NLN: variants seen among roughly 807,000 people sequenced by gnomAD.
NLN encodes neurolysin, mitochondrial.
Under a neutral mutation model 79.9 loss-of-function variants are expected in NLN, and 64 were observed. That is an observed-to-expected ratio of 0.80 (90% CI 0.65 to 0.99). NLN has a LOEUF of 0.99. Ranked by LOEUF, NLN falls within the 50% of genes least tolerant of loss-of-function variation. The pLI is 0.00. For synonymous variants in NLN, 267 were observed against 296.6 expected, an observed-to-expected ratio of 0.90 and a Z score of 1.02; for missense variants, 835 against 858.7, an observed-to-expected ratio of 0.97 and a Z score of 0.34.
At chr5:65,736,048 A>ATATC (rs1315995853) in intron 1 of NLN, among the ~76,000 whole-genome samples, 3 of 152,230 alleles carry the variant, frequency 2.0e-5, no homozygotes, top group Admixed American at 6.5e-5. Flanking sequence ...TATGAAAAAT[A>ATATC]TATCTATATG....
intron 1 of NLN, among the ~76,000 whole-genome samples, chr5:65,729,078 G>C (rs1034677459): frequency 1.3e-5 from 2 of 152,088 alleles, no homozygotes; most frequent in African/African-American, 4.8e-5. Flanking sequence ...TCCTGGGCTC[G>C]AGTGATCTGC....
chr5:65,772,625 A>G (rs1759591901), intron 3 of NLN, among the ~76,000 whole-genome samples: 1 of 152,122 alleles, frequency 6.6e-6, no homozygotes, highest in African/African-American at 2.4e-5. Flanking sequence ...AATTACAAAT[A>G]TAATACAATT....
chr5:65,800,663 C>CTTTTTTTTTATTTATTTAT (rs10639871), intron 9 of NLN, among the ~76,000 whole-genome samples: 7 of 142,974 alleles, frequency 4.9e-5, no homozygotes, highest in Non-Finnish European at 7.5e-5. Flanking sequence ...AGAAAACTCT[C>CTTTTTTTTTATTTATTTAT]TTATTTATTT....
rs886865284 is a variant in NLN, at chr5:65,827,751, T to A, written c.*4836T>A. 5 of 152,244 alleles carry A rather than the reference T, an allele frequency of 3.3e-5. No homozygotes were observed. The highest frequency in any genetic ancestry group is 3.3e-4 in the Admixed American group (5 of 15,288). The allele number at this position is 152,244 out of a possible 1,614,324, so 9.4% of individuals were successfully genotyped here. On this transcript the variant is annotated 3_prime_UTR_variant, in exon 13 of 13. Coordinates refer to ENST00000380985, the MANE Select transcript of NLN (RefSeq NM_020726.5). ...AATTATTTTGGCCGGGCAAGGTGGGTCACGCCTGTAATCTCAGCACTTTGG... is the reference window on the plus strand; with the variant it reads ...AATTATTTTGGCCGGGCAAGGTGGGACACGCCTGTAATCTCAGCACTTTGG...
At chr5:65,799,539 T>C (rs1760238313) in intron 9 of NLN, among the ~76,000 whole-genome samples, 1 of 152,180 alleles carries the variant, frequency 6.6e-6, no homozygotes, top group Non-Finnish European at 1.5e-5. Context: ...CTGTGCTGGA[T>C]TTTGGAAATA....
At chr5:65,742,438 G>A (rs1358874001) in intron 1 of NLN, among the ~76,000 whole-genome samples, 1 of 152,008 alleles carries the variant, frequency 6.6e-6, no homozygotes, top group Non-Finnish European at 1.5e-5. Flanking sequence ...AAAAGAGACT[G>A]TACAATGAAG....
At chr5:65,821,971 G>A (rs553403169) in intron 12 of NLN, among the ~76,000 whole-genome samples, 1 of 152,254 alleles carries the variant, frequency 6.6e-6, no homozygotes, top group East Asian at 1.9e-4. Context: ...TGATATAATG[G>A]ATATAAATTT....
At chr5:65,753,836 A>G (rs375454692) in intron 1 of NLN, among the ~76,000 whole-genome samples, 1 of 152,042 alleles carries the variant, frequency 6.6e-6, no homozygotes, top group African/African-American at 2.4e-5. Context: ...TTTTACCTAT[A>G]CTGGGACTTC....
In NLN at chr5:65,781,276, A is replaced by G. The variant is rs779072360; in HGVS notation, c.677A>G (p.Asp226Gly). 6.8e-6 allele frequency: 11 copies of G among 1,606,722 alleles called. No individual in the cohort carries two copies. Among genetic ancestry groups the G allele is most frequent in the Middle Eastern group, 1.7e-4 (1 of 5,952 alleles). ...TTTTTTGCAGGTGCTCTTCCTGATG[A>G]TTTCATTGACAGTTTAGAAAAGACA... is the stretch of plus-strand genomic sequence containing the variant. Reference protein sequence around the residue: ...SKAELGALPDDFIDSLEKTDD... With the variant: ...SKAELGALPDGFIDSLEKTDD... The change falls in exon 6 of 13, where the codon GAT (aspartate) becomes GGT (glycine). Residue 226 changes from aspartate (D) to glycine (G), a missense_variant. Transcript: ENST00000380985.
intron 11 of NLN, among the ~76,000 whole-genome samples, chr5:65,811,584 G>A (rs907209187): frequency 1.3e-5 from 2 of 152,128 alleles, no homozygotes; most frequent in African/African-American, 2.4e-5. Context: ...TTGGGAGACC[G>A]AGGCAGGCAG....
intron 3 of NLN, among the ~76,000 whole-genome samples, chr5:65,765,399 T>C (rs1395524474): frequency 6.6e-6 from 1 of 152,114 alleles, no homozygotes; most frequent in African/African-American, 2.4e-5. Flanking sequence ...GCGCCTGTAA[T>C]CCCAGCTACT....
At chr5:65,738,990 A>AT (rs1374333543) in intron 1 of NLN, among the ~76,000 whole-genome samples, 1 of 140,026 alleles carries the variant, frequency 7.1e-6, no homozygotes, top group Non-Finnish European at 1.5e-5. Flanking sequence ...TTATATATTT[A>AT]TATATATTTT....
chr5:65,788,221 G>A lies in NLN; in HGVS notation c.1062G>A (p.Gly354=). Residue 354 remains glycine, a synonymous_variant, in exon 8 of 13, where the codon GGG becomes GGA. Coordinates refer to ENST00000380985, the MANE Select transcript of NLN (RefSeq NM_020726.5). Reference sequence around the variant, plus strand: ...AAGACAGGGGTTTTGAATATGATGGGAAAATCAATGCCTGGGATCTATATT... The same window carrying A: ...AAGACAGGGGTTTTGAATATGATGGAAAAATCAATGCCTGGGATCTATATT... ...ECKDRGFEYD[G]KINAWDLYYY... 6.2e-7 allele frequency: 1 copy of A among 1,614,144 alleles called. No homozygotes were observed.
rs766667552 is a variant in NLN at position 65,822,814 on chromosome 5, C to A, written c.2014C>A (p.Pro672Thr). 6.2e-7 allele frequency: 1 copy of A among 1,611,572 alleles called. No homozygotes were observed. Among genetic ancestry groups the A allele is most frequent in the Non-Finnish European group, 8.5e-7 (1 of 1,177,680 alleles). The part of the protein sequence containing the change: ...GMKYRNLILK[P>T]GGSLDGMDML... ...GAAATACAGAAACCTAATCCTGAAA[C>A]CTGGGGGATCTCTGGACGGCATGGA... The change falls in exon 13 of 13, where the codon CCT (proline) becomes ACT (threonine). Residue 672 changes from proline (P) to threonine (T), a missense_variant. Coordinates refer to ENST00000380985, the MANE Select transcript of NLN (RefSeq NM_020726.5).
intron 9 of NLN, among the ~76,000 whole-genome samples, chr5:65,802,878 C>G (rs1203729697): frequency 6.6e-6 from 1 of 152,024 alleles, no homozygotes; most frequent in African/African-American, 2.4e-5. Context: ...GTGGGTAGTT[C>G]CTCTCCGCAG....
At chr5:65,820,380 T>C (rs891849053) in intron 12 of NLN, among the ~76,000 whole-genome samples, 3 of 152,252 alleles carry the variant, frequency 2.0e-5, no homozygotes, top group African/African-American at 7.2e-5. Context: ...ACTATTAGTA[T>C]GTATTTTAAG....
intron 5 of NLN, 98 bp downstream of exon 5, chr5:65,780,379 A>G (rs1381881460): frequency 3.5e-6 from 2 of 563,644 alleles, no homozygotes; most frequent in South Asian, 2.5e-5. Context: ...TTTCTAAATC[A>G]TAGTTCAAAT....
intron 12 of NLN, among the ~76,000 whole-genome samples, chr5:65,816,188 C>A (rs1417902978): frequency 1.3e-5 from 2 of 151,142 alleles, no homozygotes; most frequent in Non-Finnish European, 2.9e-5. Flanking sequence ...TGAAACTCAT[C>A]TCAAAAAAAA....
intron 1 of NLN, among the ~76,000 whole-genome samples, chr5:65,732,005 C>A (rs914591316): frequency 1.3e-5 from 2 of 152,088 alleles, no homozygotes; most frequent in South Asian, 4.1e-4. Context: ...TCCACCTCAG[C>A]CTCCCAAAGT....
Sources: allele counts gnomAD v4.1 joint callset (sites outside exome capture counted in the v4.1 genomes callset), GRCh38; gene constraint gnomAD v4.1.1; transcripts MANE v1.5; gene names NCBI Gene and HGNC (gene_info 2026-07-23, HGNC 2026-07-21).